Variants in DEPTOR observed in about 807,000 individuals in gnomAD.
The protein encoded by DEPTOR is DEP domain-containing mTOR-interacting protein.
DEPTOR carries 41 observed loss-of-function variants against 41.6 expected under a neutral mutation model. The observed-to-expected ratio is 0.98, with a 90% confidence interval of 0.77 to 1.28. The LOEUF (loss-of-function observed/expected upper bound fraction) is 1.28. Among genes scored for constraint, DEPTOR ranks in the 50% most tolerant of loss-of-function variants. The pLI is 0.00. For missense variants in DEPTOR, 514 were observed against 527.9 expected (o/e 0.97, Z 0.26); for synonymous variants, 195 against 192.3 (o/e 1.01, Z -0.12).
At chr8:120,011,211 G>A (rs1172358582) in intron 8 of DEPTOR, among the ~76,000 whole-genome samples, 1 of 152,212 alleles carries the variant, frequency 6.6e-6, no homozygotes, top group Non-Finnish European at 1.5e-5. Context: ...GCTTGCCCAG[G>A]TAATCAGCGC....
intron 4 of DEPTOR, among the ~76,000 whole-genome samples, chr8:119,985,435 T>C (rs901535447): frequency 6.6e-6 from 1 of 152,230 alleles, no homozygotes; most frequent in East Asian, 1.9e-4. Flanking sequence ...AAGTTCTTTG[T>C]AGACTCTAGA....
chr8:119,996,495 A>C (rs903370434), intron 4 of DEPTOR, among the ~76,000 whole-genome samples: 2 of 152,206 alleles, frequency 1.3e-5, no homozygotes, highest in Non-Finnish European at 2.9e-5. Flanking sequence ...AAGAAGGACT[A>C]TATAAAGTTG....
intron 1 of DEPTOR, among the ~76,000 whole-genome samples, chr8:119,879,865 C>T (rs1403922009): frequency 1.3e-5 from 2 of 152,052 alleles, no homozygotes; most frequent in Non-Finnish European, 2.9e-5. Context: ...CAAAATTAGC[C>T]GGGCATGGTG....
chr8:119,894,584 G>A (rs1827492095), intron 1 of DEPTOR, among the ~76,000 whole-genome samples: 2 of 151,876 alleles, frequency 1.3e-5, no homozygotes, highest in Non-Finnish European at 2.9e-5. Context: ...TTTTAGTAGA[G>A]GCAGGGTTTC....
chr8:119,982,502 G>C (rs1391236151), intron 4 of DEPTOR, among the ~76,000 whole-genome samples: 1 of 152,176 alleles, frequency 6.6e-6, no homozygotes, highest in African/African-American at 2.4e-5. Context: ...GTGCAGTAAA[G>C]ATAGTTTAAG....
intron 2 of DEPTOR, among the ~76,000 whole-genome samples, chr8:119,929,528 G>A (rs1432486288): frequency 6.6e-6 from 1 of 152,058 alleles, no homozygotes; most frequent in African/African-American, 2.4e-5. Context: ...TTTGTGGATT[G>A]CATGATGAAT....
intron 6 of DEPTOR, among the ~76,000 whole-genome samples, chr8:120,003,843 A>G (rs1563589026): frequency 1.3e-5 from 2 of 152,204 alleles, no homozygotes; most frequent in Non-Finnish European, 2.9e-5. Context: ...TCAACCACCC[A>G]GGAACTGGTA....
intron 1 of DEPTOR, among the ~76,000 whole-genome samples, chr8:119,918,514 G>A (rs1222861798): frequency 6.6e-6 from 1 of 152,066 alleles, no homozygotes; most frequent in African/African-American, 2.4e-5. Flanking sequence ...AGGCTGGAGT[G>A]CAATGGCACA....
chr8:119,873,920 G>A lies in DEPTOR; in HGVS notation c.74G>A (p.Arg25Lys). Residue 25 changes from arginine to lysine, a missense_variant, in exon 1 of 9, where the codon AGG (arginine) becomes AAG (lysine). Physicochemically the swap from Arg to Lys is conservative, Grantham distance 26 (BLOSUM62 2). Transcript: ENST00000286234. Reference protein sequence around the residue: ...STSGSGGAQQRELERMAEVLV... With the variant: ...STSGSGGAQQKELERMAEVLV... ...AGCGGGAGTGGCGGGGCGCAGCAAA[G>A]GGAGCTGGAGCGCATGGCTGAGGTC... is the stretch of plus-strand genomic sequence containing the variant. 6.2e-7 allele frequency: 1 copy of A among 1,613,768 alleles called. No individual in the cohort carries two copies. The highest frequency in any genetic ancestry group is 8.5e-7 in the Non-Finnish European group (1 of 1,179,894).
intron 4 of DEPTOR, among the ~76,000 whole-genome samples, chr8:119,990,314 T>C (rs1261857549): frequency 6.6e-6 from 1 of 151,904 alleles, no homozygotes; most frequent in East Asian, 1.9e-4. Context: ...CCCACCACCA[T>C]GCCCAGCTAA....
At chr8:120,002,006 C>T (rs532960422) in intron 5 of DEPTOR, among the ~76,000 whole-genome samples, 4 of 152,256 alleles carry the variant, frequency 2.6e-5, no homozygotes, top group South Asian at 4.1e-4. Flanking sequence ...TGGTGGCACA[C>T]ATCTGTAATC....
intron 3 of DEPTOR, among the ~76,000 whole-genome samples, chr8:119,932,650 T>C (rs1459087552): frequency 6.6e-6 from 1 of 152,186 alleles, no homozygotes; most frequent in Non-Finnish European, 1.5e-5. Context: ...GCAAAGCCCC[T>C]GCCTTCATGA....
chr8:119,875,262 G>A (rs1586592511), intron 1 of DEPTOR, among the ~76,000 whole-genome samples: 2 of 152,270 alleles, frequency 1.3e-5, no homozygotes, highest in Middle Eastern at 3.4e-3. Flanking sequence ...GGGTGCAGGT[G>A]GACTGAGTCT....
rs547741264 is a variant in DEPTOR, at chr8:120,042,262, C to T, written c.1102-7314C>T. 5.7e-4 allele frequency among the ~76,000 whole-genome samples: 87 copies of T among 152,212 alleles called. 3 individuals are homozygous for T. In the South Asian group the frequency reaches 0.011, roughly 20 times the overall value. Reference sequence around the variant, plus strand: ...GTTTGTGCCTGTGTGCTTTTGAATACAGAGGAGAAATAATTTCCCCCAGGC... The same window carrying T: ...GTTTGTGCCTGTGTGCTTTTGAATATAGAGGAGAAATAATTTCCCCCAGGC... On this transcript the variant is annotated intron_variant, in intron 8 of 8. Transcript: ENST00000286234.
chr8:119,971,456 C>T (rs982155456), intron 4 of DEPTOR, among the ~76,000 whole-genome samples: 1 of 152,092 alleles, frequency 6.6e-6, no homozygotes, highest in African/African-American at 2.4e-5. Flanking sequence ...GAAGAATATA[C>T]AAGGGCCTGC....
chr8:119,964,200 C>T (rs751735717), intron 3 of DEPTOR, among the ~76,000 whole-genome samples: 6 of 152,096 alleles, frequency 3.9e-5, no homozygotes, highest in Admixed American at 6.6e-5. Context: ...ATCACATTAG[C>T]GACTAGAGAT....
At chr8:119,986,722 G>T (rs183688942) in intron 4 of DEPTOR, among the ~76,000 whole-genome samples, 2,357 of 151,848 alleles carry the variant, frequency 0.016, 68 homozygotes, top group African/African-American at 0.054. Flanking sequence ...GGCTATGTTT[G>T]TTCCTTTTCA....
chr8:119,929,990 G>A (rs374770221), intron 3 of DEPTOR, 52 bp downstream of exon 3: 60 of 1,579,074 alleles, frequency 3.8e-5, no homozygotes, highest in Non-Finnish European at 4.8e-5. Context: ...GAAAGAAGCA[G>A]AACTGTGCCA....
intron 1 of DEPTOR, among the ~76,000 whole-genome samples, chr8:119,880,576 T>C (rs565121144): frequency 6.6e-6 from 1 of 152,332 alleles, no homozygotes; most frequent in East Asian, 1.9e-4. Flanking sequence ...CACATTGCAG[T>C]GTGACAACTT....
Sources: allele counts gnomAD v4.1 joint callset (sites outside exome capture counted in the v4.1 genomes callset), GRCh38; gene constraint gnomAD v4.1.1; transcripts MANE v1.5; gene names NCBI Gene and HGNC (gene_info 2026-07-23, HGNC 2026-07-21).